Variants in CA14 observed in about 807,000 individuals in gnomAD.
The protein encoded by CA14 is CA-XIV.
CA14 carries 44 observed loss-of-function variants against 48.8 expected under a neutral mutation model. The ratio of observed to expected loss-of-function variants is 0.90; its 90% CI spans 0.71 to 1.16. The LOEUF (loss-of-function observed/expected upper bound fraction) is 1.16. Ranked by LOEUF, CA14 falls within the 50% of genes most tolerant of loss-of-function variation. CA14 has a pLI of 0.00. For synonymous variants in CA14, 154 were observed against 155.0 expected (o/e 0.99, Z 0.05); for missense variants, 386 against 401.0 (o/e 0.96, Z 0.32).
chr1:150,262,893 A>G, intron 6 of CA14, 23 bp downstream of exon 6: 1 of 1,596,740 alleles, frequency 6.3e-7, no homozygotes, highest in Non-Finnish European at 8.6e-7. Context: ...AATCTATAGC[A>G]GGAAGTAAGA....
intron 1 of CA14, 121 bp from the exon 2 acceptor site, chr1:150,260,030 G>A: frequency 1.1e-6 from 1 of 943,490 alleles, no homozygotes; most frequent in East Asian, 2.5e-5. Context: ...CTGGAGCAGA[G>A]GGAGGAGAGA....
chr1:150,259,332 C>T (rs115624500), intron 1 of CA14, among the ~76,000 whole-genome samples: 4,534 of 152,186 alleles, frequency 0.03, 109 homozygotes, highest in Non-Finnish European at 0.043. Context: ...GCAGTTTGGC[C>T]GTAGGGAGGG....
intron 4 of CA14, 29 bp from the exon 5 acceptor site, chr1:150,262,496 A>C (rs1196308776): frequency 6.3e-7 from 1 of 1,577,956 alleles, no homozygotes. Flanking sequence ...CAGACATTCC[A>C]TGATTCAATT....
intron 3 of CA14, 114 bp from the exon 4 acceptor site, chr1:150,262,044 C>A: frequency 8.3e-7 from 1 of 1,211,304 alleles, no homozygotes; most frequent in Non-Finnish European, 1.2e-6. Context: ...GAACTGGGTG[C>A]TACTGGGGGA....
At position 150,261,501 on chromosome 1, in the gene CA14, G is replaced by C; in HGVS notation, c.119G>C (p.Cys40Ser). 2 of 1,614,196 alleles carry C rather than the reference G, an allele frequency of 1.2e-6. No homozygotes were observed. Among genetic ancestry groups the C allele is most frequent in the Non-Finnish European group, 1.7e-6 (2 of 1,180,030 alleles). ...QDHWPASYPE[C>S]GNNAQSPIDI... ...CATTGGCCAGCCTCTTACCCTGAGT[G>C]TGGAAACAATGCCCAGTCGCCCATC... is the stretch of plus-strand genomic sequence containing the variant. Residue 40 changes from cysteine (C) to serine (S), a missense_variant, in exon 3 of 11, where the codon TGT becomes TCT. Coordinates refer to ENST00000369111, the MANE Select transcript of CA14 (RefSeq NM_012113.3).
chr1:150,262,237 G>C lies in CA14; in HGVS notation c.336G>C (p.Trp112Cys). The part of the protein sequence containing the change: ...KYVAAQLHLH[W>C]GQKGSPGGSE... ...TAGCTGCCCAGCTCCACCTGCACTGGGGTCAGAAAGGATCCCCAGGGGGGT... is the reference window on the plus strand; with the variant it reads ...TAGCTGCCCAGCTCCACCTGCACTGCGGTCAGAAAGGATCCCCAGGGGGGT... Residue 112 changes from tryptophan (W) to cysteine (C), a missense_variant, in exon 4 of 11, where the codon TGG becomes TGC. Physicochemically the swap from Trp to Cys is radical, Grantham distance 215. Transcript: ENST00000369111. 1 of 1,613,442 alleles carries C rather than the reference G, an allele frequency of 6.2e-7. No individual in the cohort carries two copies. Among genetic ancestry groups the C allele is most frequent in the Non-Finnish European group, 8.5e-7 (1 of 1,179,696 alleles).
chr1:150,264,675 C>T lies in CA14; in HGVS notation c.*16C>T, dbSNP rs1490615604. On this transcript the variant is annotated 3_prime_UTR_variant, in exon 11 of 11. Coordinates refer to ENST00000369111, the MANE Select transcript of CA14 (RefSeq NM_012113.3). The stretch of plus-strand genomic sequence containing the variant: ...TGAGGCATAAATTCCTTCTCAGATA[C>T]CATGGATGTGGATGACTTCCCTTCA... 5.6e-6 allele frequency: 9 copies of T among 1,606,400 alleles called. No homozygotes were observed. The highest frequency in any genetic ancestry group is 1.3e-5 in the African/African-American group (1 of 74,734).
chr1:150,260,446 G>T, intron 2 of CA14: 1 of 537,922 alleles, frequency 1.9e-6, no homozygotes, highest in Non-Finnish European at 3.4e-6. Flanking sequence ...GAAGCTGGGT[G>T]GGAACTCTGA....
chr1:150,262,261 G>A lies in CA14; in HGVS notation c.360G>A (p.Gly120=), dbSNP rs782292457. The change falls in exon 4 of 11, where the codon GGG becomes GGA. Residue 120 remains glycine (G), a synonymous_variant. Coordinates refer to ENST00000369111, the MANE Select transcript of CA14 (RefSeq NM_012113.3). The part of the protein sequence containing the change: ...LHWGQKGSPG[G]SEHQINSEAT... Reference sequence around the variant, plus strand: ...GGGGTCAGAAAGGATCCCCAGGGGGGTCAGAACACCAGATCAACAGTGAAG... The same window carrying A: ...GGGGTCAGAAAGGATCCCCAGGGGGATCAGAACACCAGATCAACAGTGAAG... 1 of 1,610,794 alleles carries A rather than the reference G, an allele frequency of 6.2e-7. No individual in the cohort carries two copies. The highest frequency in any genetic ancestry group is 2.2e-5 in the East Asian group (1 of 44,872).
chr1:150,260,754 ATTTTTTTTTTT>A (rs1650954664), intron 2 of CA14: 3 of 136,332 alleles, frequency 2.2e-5, no homozygotes, highest in Non-Finnish European at 4.5e-5. Flanking sequence ...TCTCTAGGTT[ATTTTTTTTTTT>A]TTTTTTTTTT....
intron 3 of CA14, among the ~76,000 whole-genome samples, chr1:150,261,883 T>G (rs3850839): frequency 0.34 from 51,824 of 152,076 alleles, 9,409 homozygotes; most frequent in East Asian, 0.6. Context: ...TGTCCATGAA[T>G]TTGGAGATAT....
At chr1:150,259,502 G>A (rs1245015653) in intron 1 of CA14, among the ~76,000 whole-genome samples, 1 of 151,994 alleles carries the variant, frequency 6.6e-6, no homozygotes, top group Non-Finnish European at 1.5e-5. Context: ...TCAATCTAGA[G>A]TAGACCCTGC....
chr1:150,263,233 C>A (rs369293943), intron 7 of CA14, 34 bp downstream of exon 7: 4 of 1,613,690 alleles, frequency 2.5e-6, no homozygotes, highest in Non-Finnish European at 3.4e-6. Flanking sequence ...AGGTGAGACA[C>A]AGTTGTAACT....
chr1:150,264,414 G>C (rs1651466701), intron 10 of CA14, among the ~76,000 whole-genome samples, 179 bp from the exon 11 acceptor site: 2 of 151,928 alleles, frequency 1.3e-5, no homozygotes, highest in South Asian at 4.2e-4. Context: ...CATTGCCCAG[G>C]CTGGTCTCCA....
chr1:150,262,675 A>G (rs1019090855), intron 5 of CA14, 55 bp downstream of exon 5: 9 of 1,463,562 alleles, frequency 6.1e-6, no homozygotes, highest in Non-Finnish European at 8.6e-6. Flanking sequence ...GCAACCCTCA[A>G]ACCTATTTCT....
At chr1:150,263,934 G>A (rs1415561664) in intron 10 of CA14, 56 bp downstream of exon 10, 4 of 841,272 alleles carry the variant, frequency 4.8e-6, no homozygotes, top group East Asian at 5.7e-5. Flanking sequence ...TTTTTTTTTG[G>A]TAGGTGGGAG....
chr1:150,262,904 T>C (rs1553848219), intron 6 of CA14, 34 bp downstream of exon 6: 1 of 1,592,570 alleles, frequency 6.3e-7, no homozygotes, highest in Non-Finnish European at 8.6e-7. Flanking sequence ...GGAAGTAAGA[T>C]TAGACTTTCA....
chr1:150,263,330 C>A lies in CA14; in HGVS notation c.752C>A (p.Thr251Lys), dbSNP rs185727898. ...AAGCTTCAGGGGACATTGTTCTCCACAGAAGAGGAGCCCTCTAAGCTTCTG... is the reference window on the plus strand; with the variant it reads ...AAGCTTCAGGGGACATTGTTCTCCAAAGAAGAGGAGCCCTCTAAGCTTCTG... The part of the protein sequence containing the change: ...LEKLQGTLFS[T>K]EEEPSKLLVQ... Residue 251 changes from threonine (T) to lysine (K), a missense_variant, in exon 8 of 11, where the codon ACA (threonine) becomes AAA (lysine). Transcript: ENST00000369111. 1.5e-5 allele frequency: 24 copies of A among 1,614,244 alleles called. No individual in the cohort carries two copies. In the East Asian group the frequency reaches 4.5e-4, roughly 30 times the overall value.
rs1650705675 is a variant in CA14, at chr1:150,258,187, G to T, written c.55+4G>T. 1 of 1,610,308 alleles carries T rather than the reference G, an allele frequency of 6.2e-7. No individual in the cohort carries two copies. Among genetic ancestry groups the T allele is most frequent in the Non-Finnish European group, 8.5e-7 (1 of 1,177,408 alleles). On this transcript the variant is annotated splice_donor_region_variant and intron_variant, in intron 1 of 10. Coordinates refer to ENST00000369111, the MANE Select transcript of CA14 (RefSeq NM_012113.3). ...TGGATCCTGGCTGCAGATGGGGGTA[G>T]GTACAACTAAATGTCTGTGTGTGGA...
Sources: gnomAD v4.1 joint callset for allele counts (sites outside exome capture counted in the v4.1 genomes callset) on GRCh38, gnomAD v4.1.1 for gene constraint, MANE v1.5 for transcripts, NCBI Gene and HGNC (gene_info 2026-07-23, HGNC 2026-07-21) for gene names.